USP4: variants seen among roughly 807,000 people sequenced by gnomAD.
The protein encoded by USP4 is ubiquitin carboxyl-terminal hydrolase 4.
In USP4, 72 loss-of-function variants were observed where a neutral mutation model predicts 118.2. That is an observed-to-expected ratio of 0.61 (90% CI 0.50 to 0.74). The LOEUF (loss-of-function observed/expected upper bound fraction) is 0.74. Ranked by LOEUF, USP4 falls within the 30% of genes least tolerant of loss-of-function variation. The pLI is 0.00. For missense variants in USP4, 1,037 were observed against 1,185.7 expected, an observed-to-expected ratio of 0.87 and a Z score of 1.84; for synonymous variants, 415 against 440.4, an observed-to-expected ratio of 0.94 and a Z score of 0.72.
At chr3:49,338,836 C>G (rs968743996) in intron 1 of USP4, among the ~76,000 whole-genome samples, 29 of 151,988 alleles carry the variant, frequency 1.9e-4, no homozygotes, top group African/African-American at 7.0e-4. Context: ...ATCATCACCA[C>G]AATGATTTCT....
At chr3:49,323,698 A>G (rs146601971) in intron 6 of USP4, among the ~76,000 whole-genome samples, 2 of 152,308 alleles carry the variant, frequency 1.3e-5, no homozygotes, top group East Asian at 3.9e-4. Flanking sequence ...CTAGGAGCCC[A>G]CTACTATGTA....
At position 49,297,943 on chromosome 3, in the gene USP4, T is replaced by G. The variant is rs1450780212; in HGVS notation, c.1618A>C (p.Asn540His). 1.2e-6 allele frequency: 2 copies of G among 1,613,756 alleles called. No homozygotes were observed. Among genetic ancestry groups the G allele is most frequent in the South Asian group, 1.1e-5 (1 of 91,078 alleles). ...TGGAAAATTTTGTGGAATCGGTGAT[T>G]ATACACATCTGCGACCACCATCTAA... ...AENMVVADVY[N>H]HRFHKIFQMD... The change falls in exon 13 of 22, where the codon AAT becomes CAT. Residue 540 changes from asparagine (N) to histidine (H), a missense_variant. This residue lies in a region of USP4 where 522 missense variants were observed against 592.6 expected (regional missense o/e 0.88). Transcript: ENST00000265560.
intron 8 of USP4, among the ~76,000 whole-genome samples, chr3:49,307,448 T>TA (rs909385911): frequency 6.6e-5 from 10 of 151,998 alleles, no homozygotes; most frequent in Non-Finnish European, 8.8e-5. Context: ...TGTAAGTCTT[T>TA]AAAAAATTTT....
intron 6 of USP4, chr3:49,313,933 C>T (rs2047411011): frequency 6.6e-6 from 1 of 151,962 alleles, no homozygotes; most frequent in African/African-American, 2.4e-5. Flanking sequence ...TCTCAAACTC[C>T]TGGACTCAAG....
At chr3:49,284,267 C>T in intron 18 of USP4, 131 bp from the exon 19 acceptor site, 1 of 1,301,528 alleles carries the variant, frequency 7.7e-7, no homozygotes, top group Non-Finnish European at 1.1e-6. Context: ...ACTACTGCTT[C>T]TGGCCAGGGA....
intron 4 of USP4, 46 bp downstream of exon 4, chr3:49,325,673 C>T: frequency 6.2e-7 from 1 of 1,607,440 alleles, no homozygotes; most frequent in Non-Finnish European, 8.5e-7. Context: ...CCACAATGTC[C>T]TACACTCTCT....
At chr3:49,301,679 C>A (rs2047264734) in intron 10 of USP4, among the ~76,000 whole-genome samples, 3 of 151,902 alleles carry the variant, frequency 2.0e-5, no homozygotes, top group African/African-American at 7.3e-5. Flanking sequence ...CAGAGTGAGA[C>A]TCCATCTCAA....
chr3:49,303,945 G>A (rs893624937), intron 9 of USP4, among the ~76,000 whole-genome samples: 1 of 152,062 alleles, frequency 6.6e-6, no homozygotes, highest in Non-Finnish European at 1.5e-5. Flanking sequence ...TAGAGATGGG[G>A]TTTCACAATA....
At chr3:49,303,438 CAAAAAAAAAAA>C (rs1173726988) in intron 9 of USP4, among the ~76,000 whole-genome samples, 1 of 23,344 alleles carries the variant, frequency 4.3e-5, no homozygotes, top group African/African-American at 1.6e-4. Flanking sequence ...AAGGCTGTCT[CAAAAAAAAAAA>C]AAAAAAAAAA....
rs757592738 is a variant in USP4 at position 49,284,963 on chromosome 3, C to A, written c.2201-44G>T. ...TCACTTGTTATGGAATGGCAAGCAA[C>A]AGGAAAGGCTCTCCAAGTGACAGGA... On this transcript the variant is annotated intron_variant, in intron 16 of 21. Transcript: ENST00000265560. 4 of 1,517,572 alleles carry A rather than the reference C, an allele frequency of 2.6e-6. No individual in the cohort carries two copies. In the African/African-American group the frequency reaches 5.5e-5, roughly 21 times the overall value. 94.0% of individuals were successfully genotyped at this position (1,517,572 alleles called of 1,614,324 possible).
chr3:49,277,326 A>C lies in USP4; in HGVS notation c.*967T>G. 3.9e-6 allele frequency: 4 copies of C among 1,031,232 alleles called. No individual in the cohort carries two copies. The highest frequency in any genetic ancestry group is 5.2e-6 in the Non-Finnish European group (4 of 772,038). 63.9% of individuals were successfully genotyped at this position (1,031,232 alleles called of 1,614,324 possible). A position where few individuals can be genotyped will look rare whatever the true frequency, so the allele number is the denominator to read the frequency against. On this transcript the variant is annotated 3_prime_UTR_variant, in exon 22 of 22. Coordinates refer to ENST00000265560, the MANE Select transcript of USP4 (RefSeq NM_003363.4). ...TCCGGTTCCTTAAGGCCTTGCCCAC[A>C]CGCAGCGGCTGGCCCCGCGGTGGGA...
At chr3:49,289,837 G>GGCTCACGCCTAT (rs1214090831) in intron 15 of USP4, among the ~76,000 whole-genome samples, 2 of 151,680 alleles carry the variant, frequency 1.3e-5, no homozygotes, top group African/African-American at 4.8e-5. Flanking sequence ...CATGTGTGGC[G>GGCTCACGCCTAT]GCTCACGCCT....
Position 49,311,522 on chromosome 3 carries a change from G to A in USP4, c.828C>T (p.Val276=), listed in dbSNP as rs543569864. The A allele has an allele frequency of 3.1e-6, 5 of 1,613,452 alleles. No individual in the cohort carries two copies. In the African/African-American group the frequency reaches 5.3e-5, roughly 17 times the overall value. ...AAAGGACCTGCTCTTACCCCCTGCTGACACCGGAACTGTGCATCCCACAGG... is the reference window on the plus strand; with the variant it reads ...AAAGGACCTGCTCTTACCCCCTGCTAACACCGGAACTGTGCATCCCACAGG... ...TSTCGMHSSG[V]SRGGSGFSAS... The change falls in exon 7 of 22, where the codon GTC becomes GTT. Residue 276 remains valine (V), a synonymous_variant. Coordinates refer to ENST00000265560, the MANE Select transcript of USP4 (RefSeq NM_003363.4).
In USP4 at chr3:49,280,793, G is replaced by A. The variant is rs138620247; in HGVS notation, c.2595C>T (p.Tyr865=). ...VCNLSARPYV[Y]DLIAVSNHYG... ...AATGATTGGACACGGCAATGAGGTC[G>A]TACACATAAGGCCTTGCTGACAGGT... The change falls in exon 20 of 22, where the codon TAC becomes TAT. Residue 865 remains tyrosine (Y), a synonymous_variant. Transcript: ENST00000265560. 27 of 1,614,008 alleles carry A rather than the reference G, an allele frequency of 1.7e-5. No individual in the cohort carries two copies. In the East Asian group the frequency reaches 2.9e-4, roughly 17 times the overall value.
chr3:49,294,338 A>G, intron 14 of USP4, 69 bp downstream of exon 14: 1 of 1,496,256 alleles, frequency 6.7e-7, no homozygotes, highest in Non-Finnish European at 9.1e-7. Context: ...ACTTGGCAGG[A>G]GTTGCCACTA....
Position 49,286,260 on chromosome 3 carries a change from T to C in USP4, c.2038A>G (p.Ser680Gly). ...GKEQLSETEG[S>G]GEDEPGNDPS... ...TCATTTCCTGGCTCATCTTCCCCACTGCCTTCTGTTTCTGAAAGCTGCTCT... is the reference window on the plus strand; with the variant it reads ...TCATTTCCTGGCTCATCTTCCCCACCGCCTTCTGTTTCTGAAAGCTGCTCT... The change falls in exon 16 of 22, where the codon AGT (serine) becomes GGT (glycine). Residue 680 changes from serine to glycine, a missense_variant. Physicochemically the swap from Ser to Gly is moderately conservative, Grantham distance 56. This residue lies in a region of USP4 where 522 missense variants were observed against 592.6 expected (regional missense o/e 0.88). Coordinates refer to ENST00000265560, the MANE Select transcript of USP4 (RefSeq NM_003363.4). The C allele has an allele frequency of 1.2e-6, 2 of 1,614,190 alleles. No individual in the cohort carries two copies. The highest frequency in any genetic ancestry group is 1.7e-6 in the Non-Finnish European group (2 of 1,180,034).
At chr3:49,335,889 A>C (rs1378512637) in intron 1 of USP4, among the ~76,000 whole-genome samples, 1 of 152,068 alleles carries the variant, frequency 6.6e-6, no homozygotes, top group Non-Finnish European at 1.5e-5. Context: ...TTTTAGACGG[A>C]GTCTTGTTCT....
In USP4 at chr3:49,278,146, T is replaced by G; in HGVS notation, c.*147A>C. On this transcript the variant is annotated 3_prime_UTR_variant, in exon 22 of 22. Transcript: ENST00000265560. ...TTCTTCTAGGTAAACGGTCTTCTTTTTTTTTTTTTGTTTCCTTCTGCTCAT... is the reference window on the plus strand; with the variant it reads ...TTCTTCTAGGTAAACGGTCTTCTTTGTTTTTTTTTGTTTCCTTCTGCTCAT... The G allele has an allele frequency of 1.1e-6, 1 of 921,400 alleles. No individual in the cohort carries two copies. The highest frequency in any genetic ancestry group is 1.5e-6 in the Non-Finnish European group (1 of 650,064). The allele number at this position is 921,400 out of a possible 1,614,324, so 57.1% of individuals were successfully genotyped here.
intron 10 of USP4, 124 bp from the exon 11 acceptor site, chr3:49,300,815 C>T: frequency 1.2e-6 from 1 of 834,678 alleles, no homozygotes; most frequent in Non-Finnish European, 1.9e-6. Context: ...AGAGCTTGAT[C>T]CAGGACAAAC....
Sources: gnomAD v4.1 joint callset for allele counts (sites outside exome capture counted in the v4.1 genomes callset) on GRCh38, gnomAD v4.1.1 for gene constraint, gnomAD v4.1.1 regional missense constraint, MANE v1.5 for transcripts, NCBI Gene and HGNC (gene_info 2026-07-23, HGNC 2026-07-21) for gene names.